The following NUP43 variants were observed in gnomAD, a reference collection of about 807,000 sequenced individuals.
NUP43 encodes the protein nucleoporin 43.
Under a neutral mutation model 47.3 loss-of-function variants are expected in NUP43, and 32 were observed. That is an observed-to-expected ratio of 0.68 (90% CI 0.51 to 0.91). NUP43 has a LOEUF of 0.91. Ranked by LOEUF, NUP43 falls within the 40% of genes least tolerant of loss-of-function variation. NUP43 has a pLI of 0.00. For missense variants in NUP43, 444 were observed against 453.9 expected (o/e 0.98, Z 0.20); for synonymous variants, 147 against 158.4 (o/e 0.93, Z 0.54).
At chr6:149,727,872 C>T in intron 7 of NUP43, 1 of 985,324 alleles carries the variant, frequency 1.0e-6, no homozygotes, top group Non-Finnish European at 1.2e-6. Context: ...TTACTTTCCT[C>T]TCAACTTGCT....
intron 4 of NUP43, among the ~76,000 whole-genome samples, chr6:149,740,872 C>G (rs1785616925): frequency 1.3e-5 from 2 of 152,168 alleles, no homozygotes; most frequent in South Asian, 4.1e-4. Context: ...CATCTTTCAT[C>G]TCTCCTAAAT....
chr6:149,744,197 G>A (rs1785833670), intron 2 of NUP43, among the ~76,000 whole-genome samples: 1 of 151,976 alleles, frequency 6.6e-6, no homozygotes, highest in Admixed American at 6.6e-5. Flanking sequence ...CTAGTTGACA[G>A]AGCAAGACTC....
At position 149,725,756 on chromosome 6, in the gene NUP43, A is replaced by C. The variant is rs938652380; in HGVS notation, c.*1213T>G. The C allele has an allele frequency of 1.3e-5, 2 of 152,204 alleles. No homozygotes were observed. Among genetic ancestry groups the C allele is most frequent in the Admixed American group, 1.3e-4 (2 of 15,272 alleles). 9.4% of individuals were successfully genotyped at this position (152,204 alleles called of 1,614,324 possible). On this transcript the variant is annotated 3_prime_UTR_variant, in exon 8 of 8. Transcript: ENST00000340413. Reference sequence around the variant, plus strand: ...CATTTAAAATCTAACAAAGTTTGGAAAGATAGTATCATTAAATTATCTTAA... The same window carrying C: ...CATTTAAAATCTAACAAAGTTTGGACAGATAGTATCATTAAATTATCTTAA...
intron 5 of NUP43, 127 bp from the exon 6 acceptor site, chr6:149,736,749 T>C: frequency 1.4e-6 from 1 of 715,480 alleles, no homozygotes; most frequent in East Asian, 2.7e-5. Context: ...AATGCAGCGC[T>C]GCAATCATTG....
chr6:149,736,830 A>G (rs1308352652), intron 5 of NUP43, among the ~76,000 whole-genome samples: 1 of 152,112 alleles, frequency 6.6e-6, no homozygotes, highest in Non-Finnish European at 1.5e-5. Context: ...CTGGGAGTAC[A>G]TGTGTGTACC....
chr6:149,736,645 C>A (rs202056067), intron 5 of NUP43, 23 bp from the exon 6 acceptor site: 7 of 1,548,092 alleles, frequency 4.5e-6, no homozygotes, highest in African/African-American at 1.4e-5. Flanking sequence ...ATAACAATGA[C>A]GTCAAAATCA....
intron 4 of NUP43, among the ~76,000 whole-genome samples, chr6:149,740,253 G>A (rs1326362211): frequency 7.8e-6 from 1 of 127,624 alleles, no homozygotes; most frequent in Non-Finnish European, 1.6e-5. Context: ...TCCAGCCTGG[G>A]TGACAGAGCA....
At chr6:149,733,089 A>G (rs1246863376) in intron 6 of NUP43, among the ~76,000 whole-genome samples, 1 of 151,870 alleles carries the variant, frequency 6.6e-6, no homozygotes, top group Non-Finnish European at 1.5e-5. Flanking sequence ...TAAATTGGTA[A>G]GTTGTCTTAT....
At chr6:149,746,137 G>A in intron 1 of NUP43, 75 bp from the exon 2 acceptor site, 1 of 1,526,518 alleles carries the variant, frequency 6.6e-7, no homozygotes, top group Non-Finnish European at 8.9e-7. Flanking sequence ...GCTCCCGTCC[G>A]GAAATGTTGC....
chr6:149,728,453 C>T (rs1784888633), intron 7 of NUP43: 1 of 984,732 alleles, frequency 1.0e-6, no homozygotes, highest in Non-Finnish European at 1.2e-6. Context: ...GCATGCTCCA[C>T]ACATGCTCTC....
chr6:149,730,791 A>G (rs1256072650), intron 7 of NUP43, among the ~76,000 whole-genome samples: 4 of 151,606 alleles, frequency 2.6e-5, no homozygotes, highest in African/African-American at 9.7e-5. Flanking sequence ...AAAAAAAATT[A>G]GCTGGTTGTG....
At chr6:149,728,034 T>C (rs1784870676) in intron 7 of NUP43, 3 of 985,338 alleles carry the variant, frequency 3.0e-6, no homozygotes, top group African/African-American at 1.7e-5. Context: ...CTTTAAAATA[T>C]GGCTGAACTT....
intron 4 of NUP43, among the ~76,000 whole-genome samples, chr6:149,740,182 G>A (rs1021863164): frequency 2.6e-5 from 4 of 151,232 alleles, no homozygotes; most frequent in Non-Finnish European, 5.9e-5. Flanking sequence ...AGGCTGAGGT[G>A]GGAGGATCGC....
intron 6 of NUP43, among the ~76,000 whole-genome samples, chr6:149,733,343 G>A (rs1386176808): frequency 6.6e-6 from 1 of 152,018 alleles, no homozygotes; most frequent in Non-Finnish European, 1.5e-5. Context: ...TTTATTTGTT[G>A]ATTATTTATC....
intron 5 of NUP43, 51 bp downstream of exon 5, chr6:149,738,587 CAACCT>C: frequency 3.0e-6 from 4 of 1,315,740 alleles, no homozygotes; most frequent in Non-Finnish European, 4.1e-6. Context: ...TAGCTATAAA[CAACCT>C]AACACATTAA....
At chr6:149,728,257 C>T (rs1240886643) in intron 7 of NUP43, 2 of 970,226 alleles carry the variant, frequency 2.1e-6, no homozygotes, top group South Asian at 4.8e-5. Context: ...AATACTGTGC[C>T]TTGCAATAGT....
intron 7 of NUP43, among the ~76,000 whole-genome samples, chr6:149,729,893 A>C (rs1009032737): frequency 2.6e-5 from 4 of 152,224 alleles, no homozygotes; most frequent in Non-Finnish European, 5.9e-5. Context: ...TTGGAGCCAC[A>C]GACAAACCCT....
At chr6:149,748,569 G>C (rs996582430), upstream of NUP43, among the ~76,000 whole-genome samples, 1 of 152,104 alleles carries the variant, frequency 6.6e-6, no homozygotes, top group African/African-American at 2.4e-5. Context: ...CAGCACTTTG[G>C]GAGGCCGAGG....
rs749617823 is a variant in NUP43 at position 149,726,770 on chromosome 6, C to T, written c.*199G>A. The T allele has an allele frequency of 8.7e-6, 5 of 573,408 alleles. No individual in the cohort carries two copies. Among genetic ancestry groups the T allele is most frequent in the Non-Finnish European group, 1.6e-5 (5 of 320,978 alleles). The allele number at this position is 573,408 out of a possible 1,614,324, so 35.5% of individuals were successfully genotyped here. A position where few individuals can be genotyped will look rare whatever the true frequency, so the allele number is the denominator to read the frequency against. ...CTTCCACATGTTCACAATCTTTTGCCATCAGTCATCTATCGGATTCTACAA... is the reference window on the plus strand; with the variant it reads ...CTTCCACATGTTCACAATCTTTTGCTATCAGTCATCTATCGGATTCTACAA... On this transcript the variant is annotated 3_prime_UTR_variant, in exon 8 of 8. Coordinates refer to ENST00000340413, the MANE Select transcript of NUP43 (RefSeq NM_198887.3).
Sources: allele counts gnomAD v4.1 joint callset (sites outside exome capture counted in the v4.1 genomes callset), GRCh38; gene constraint gnomAD v4.1.1; transcripts MANE v1.5; gene names NCBI Gene and HGNC (gene_info 2026-07-23, HGNC 2026-07-21).